GPC5: variants seen among roughly 807,000 people sequenced by gnomAD.
GPC5 encodes the protein glypican-5.
GPC5 carries 47 observed loss-of-function variants against 53.9 expected under a neutral mutation model. That is an observed-to-expected ratio of 0.87 (90% CI 0.69 to 1.11). The LOEUF (loss-of-function observed/expected upper bound fraction) is 1.11, where lower values mean the gene tolerates loss of function less well. Among genes scored for constraint, GPC5 ranks in the 50% most tolerant of loss-of-function variants. The pLI is 0.00. For missense variants in GPC5, 748 were observed against 713.1 expected (o/e 1.05, Z -0.56); for synonymous variants, 286 against 263.3 (o/e 1.09, Z -0.84).
chr13:91,684,398 C>T (rs1386972732), intron 2 of GPC5, among the ~76,000 whole-genome samples: 1 of 152,078 alleles, frequency 6.6e-6, no homozygotes, highest in East Asian at 1.9e-4. Flanking sequence ...TTTTCCACCC[C>T]ACCACACACA....
chr13:91,404,070 A>G (rs554228774), intron 1 of GPC5, among the ~76,000 whole-genome samples: 4 of 152,194 alleles, frequency 2.6e-5, no homozygotes, highest in African/African-American at 4.8e-5. Flanking sequence ...TCACCCCCCA[A>G]TCCCTATTAT....
chr13:92,212,345 G>A (rs2139075969), intron 7 of GPC5, among the ~76,000 whole-genome samples: 1 of 152,266 alleles, frequency 6.6e-6, no homozygotes, highest in Non-Finnish European at 1.5e-5. Flanking sequence ...GAGCTCTGAA[G>A]TATGAGTATT....
At chr13:91,436,648 A>G (rs1403804695) in intron 1 of GPC5, among the ~76,000 whole-genome samples, 2 of 152,206 alleles carry the variant, frequency 1.3e-5, no homozygotes, top group African/African-American at 4.8e-5. Flanking sequence ...TGGTGCTGAG[A>G]AGAATGTATA....
chr13:92,272,059 A>C (rs2042843429), intron 7 of GPC5, among the ~76,000 whole-genome samples: 1 of 152,186 alleles, frequency 6.6e-6, no homozygotes. Context: ...TGTCACCTTT[A>C]TTCACTATAC....
chr13:92,487,458 T>C (rs2139441645), intron 7 of GPC5, among the ~76,000 whole-genome samples: 1 of 152,318 alleles, frequency 6.6e-6, no homozygotes, highest in Non-Finnish European at 1.5e-5. Context: ...CATGTCATGA[T>C]GTACCATGTG....
chr13:91,917,032 A>C (rs1361315130), intron 6 of GPC5, among the ~76,000 whole-genome samples: 2 of 152,192 alleles, frequency 1.3e-5, no homozygotes, highest in African/African-American at 4.8e-5. Context: ...ATAGTTCCCC[A>C]AAATTTTAAC....
At chr13:92,773,902 C>G (rs1163191373) in intron 7 of GPC5, among the ~76,000 whole-genome samples, 1 of 152,140 alleles carries the variant, frequency 6.6e-6, no homozygotes, top group Non-Finnish European at 1.5e-5. Context: ...GAGGCCTCAC[C>G]ATCATGGTGG....
intron 7 of GPC5, among the ~76,000 whole-genome samples, chr13:92,797,340 G>A (rs1485683017): frequency 1.3e-5 from 2 of 151,828 alleles, no homozygotes; most frequent in Admixed American, 6.6e-5. Flanking sequence ...CTCTGTTACT[G>A]TACCTTTGAC....
chr13:91,984,343 ACACAT>A (rs2040387541), intron 6 of GPC5, among the ~76,000 whole-genome samples: 1 of 152,194 alleles, frequency 6.6e-6, no homozygotes, highest in Non-Finnish European at 1.5e-5. Flanking sequence ...ATGGAGATGA[ACACAT>A]CTGATGGCAT....
In GPC5 at chr13:92,647,157, A is replaced by G. The variant is rs552142098; in HGVS notation, c.1562-219125A>G. Among the ~76,000 whole-genome samples, 9 of 152,098 alleles carry G rather than the reference A, an allele frequency of 5.9e-5. No individual in the cohort carries two copies. In the South Asian group the frequency reaches 1.9e-3, roughly 31 times the overall value. ...CACTAAGACCTCAGCCTAATGTTGG[A>G]TATAAATTGTTAGAACAGACATCCT... On this transcript the variant is annotated intron_variant, in intron 7 of 7. Coordinates refer to ENST00000377067, the MANE Select transcript of GPC5 (RefSeq NM_004466.6).
At chr13:92,339,035 C>A (rs1467728355) in intron 7 of GPC5, among the ~76,000 whole-genome samples, 1 of 151,824 alleles carries the variant, frequency 6.6e-6, no homozygotes, top group East Asian at 1.9e-4. Context: ...TTTGCTGTAA[C>A]CTAAAACTAT....
chr13:92,845,500 G>A (rs1878583484), intron 7 of GPC5, among the ~76,000 whole-genome samples: 2 of 152,142 alleles, frequency 1.3e-5, no homozygotes, highest in African/African-American at 4.8e-5. Context: ...TCTTGCTCAA[G>A]AGTCAGCCTT....
At chr13:91,475,731 T>C (rs141267661) in intron 2 of GPC5, among the ~76,000 whole-genome samples, 18 of 152,214 alleles carry the variant, frequency 1.2e-4, no homozygotes, top group African/African-American at 4.1e-4. Context: ...CTTACAGTTG[T>C]TGGCAGGACT....
chr13:92,600,479 AATTCATTC>A (rs372436108), intron 7 of GPC5, among the ~76,000 whole-genome samples: 61 of 151,226 alleles, frequency 4.0e-4, no homozygotes, highest in Admixed American at 1.3e-3. Context: ...TTTTCTTTTC[AATTCATTC>A]ATTCATTCAT....
At chr13:92,000,437 A>G (rs941282545) in intron 6 of GPC5, among the ~76,000 whole-genome samples, 3 of 152,064 alleles carry the variant, frequency 2.0e-5, no homozygotes. Context: ...AGTATATTAT[A>G]TTATAATTAT....
chr13:92,208,752 TAGAC>T (rs1171562686), intron 7 of GPC5, among the ~76,000 whole-genome samples: 9 of 152,172 alleles, frequency 5.9e-5, no homozygotes, highest in East Asian at 1.9e-4. Flanking sequence ...CAAACTTAAA[TAGAC>T]AGGAATTCAC....
intron 7 of GPC5, among the ~76,000 whole-genome samples, chr13:92,485,188 A>G (rs1879508219): frequency 1.3e-5 from 2 of 152,198 alleles, no homozygotes; most frequent in South Asian, 4.1e-4. Flanking sequence ...ACCTGTGCAA[A>G]TGAATTATCT....
chr13:92,543,414 A>G (rs1025291996), intron 7 of GPC5, among the ~76,000 whole-genome samples: 1 of 120,604 alleles, frequency 8.3e-6, no homozygotes, highest in African/African-American at 3.3e-5. Flanking sequence ...TCCTTAAAAT[A>G]TTTATTTTGA....
intron 6 of GPC5, among the ~76,000 whole-genome samples, chr13:92,108,894 A>G (rs1057365037): frequency 1.3e-5 from 2 of 152,002 alleles, no homozygotes; most frequent in African/African-American, 4.8e-5. Flanking sequence ...ATCGTATGTA[A>G]ATTACTCCTA....
Sources: allele counts gnomAD v4.1 joint callset (sites outside exome capture counted in the v4.1 genomes callset), GRCh38; gene constraint gnomAD v4.1.1; transcripts MANE v1.5; gene names NCBI Gene and HGNC (gene_info 2026-07-23, HGNC 2026-07-21).